The following MAP1LC3A variants were observed in gnomAD, a reference collection of about 807,000 sequenced individuals.
MAP1LC3A encodes microtubule associated protein 1 light chain 3 alpha.
In MAP1LC3A, 10 loss-of-function variants were observed where a neutral mutation model predicts 15.2. The ratio of observed to expected loss-of-function variants is 0.66; its 90% CI spans 0.41 to 1.12. MAP1LC3A has a LOEUF of 1.12. Ranked by LOEUF, MAP1LC3A falls within the 50% of genes most tolerant of loss-of-function variation. The pLI is 0.00. For missense variants in MAP1LC3A, 138 were observed against 167.3 expected, an observed-to-expected ratio of 0.82 and a Z score of 0.97; for synonymous variants, 63 against 64.3, an observed-to-expected ratio of 0.98 and a Z score of 0.10.
upstream of MAP1LC3A, among the ~76,000 whole-genome samples, chr20:34,554,046 T>A (rs772265074): frequency 1.3e-5 from 2 of 152,182 alleles, no homozygotes; most frequent in African/African-American, 2.4e-5. Context: ...TGCTCTCCAG[T>A]GTAGCTGAGG....
At chr20:34,559,176 A>T (rs1176907484) in intron 1 of MAP1LC3A, 32 bp from the exon 2 acceptor site, 4 of 1,542,798 alleles carry the variant, frequency 2.6e-6, no homozygotes, top group Admixed American at 1.9e-5. Flanking sequence ...GGCCGGCCCG[A>T]CCCGGCCTCA....
Position 34,558,917 on chromosome 20 carries a change from C to T in MAP1LC3A, c.40+9C>T, listed in dbSNP as rs752686604. On this transcript the variant is annotated intron_variant, in intron 1 of 3. Transcript: ENST00000360668. This position sits in a 1 kb window ranked among gnomAD's most constrained non-coding sequence, Gnocchi z 4.3. ...GCAGCGGCGGAGCTTCGGTGAGGCC[C>T]GGCAGGCGAGCTGCGAGCTCTGGGG... 4 of 1,394,390 alleles carry T rather than the reference C, an allele frequency of 2.9e-6. No individual in the cohort carries two copies. In the Admixed American group the frequency reaches 1.4e-4, roughly 47 times the overall value. The allele number at this position is 1,394,390 out of a possible 1,614,324, so 86.4% of individuals were successfully genotyped here.
chr20:34,558,127 T>C (rs976249558), upstream of MAP1LC3A: 6 of 984,738 alleles, frequency 6.1e-6, no homozygotes, highest in Non-Finnish European at 7.2e-6. This position sits in a 1 kb window ranked among gnomAD's most constrained non-coding sequence, Gnocchi z 4.3. Flanking sequence ...CACCTGTCTC[T>C]CTGGTGAGCT....
chr20:34,558,766 C>A lies in MAP1LC3A; in HGVS notation c.-103C>A. The A allele has an allele frequency of 3.7e-6, 5 of 1,341,320 alleles. No individual in the cohort carries two copies. The highest frequency in any genetic ancestry group is 8.3e-5 in the Admixed American group (2 of 24,148). The allele number at this position is 1,341,320 out of a possible 1,614,324, so 83.1% of individuals were successfully genotyped here. On this transcript the variant is annotated 5_prime_UTR_variant, in exon 1 of 4. Transcript: ENST00000360668. This position sits in a 1 kb window ranked among gnomAD's most constrained non-coding sequence, Gnocchi z 4.3. ...CAGCCGCCGTGCTCAGCGCGAGCCC[C>A]GGAGCCCTTGAGCGCGAGGCGCGGA... is the stretch of plus-strand genomic sequence containing the variant.
chr20:34,555,849 T>TC (rs1456264546), upstream of MAP1LC3A, among the ~76,000 whole-genome samples: 1 of 147,960 alleles, frequency 6.8e-6, no homozygotes, highest in Admixed American at 6.7e-5. Flanking sequence ...TTTCTTTCTT[T>TC]TTTTTTTTTT....
In MAP1LC3A at chr20:34,559,248, C is replaced by T; in HGVS notation, c.81C>T (p.His27=). The change falls in exon 2 of 4, where the codon CAC becomes CAT. Residue 27 remains histidine, a synonymous_variant. Transcript: ENST00000360668. ...CKEVQQIRDQ[H]PSKIPVIIER... is the part of the protein sequence containing the mutation. The stretch of plus-strand genomic sequence containing the variant: ...AGGTACAGCAGATCCGCGACCAGCA[C>T]CCCAGCAAAATCCCGGTGAGTCCCG... The T allele has an allele frequency of 6.2e-7, 1 of 1,605,818 alleles. No homozygotes were observed. Among genetic ancestry groups the T allele is most frequent in the Non-Finnish European group, 8.5e-7 (1 of 1,177,102 alleles).
Position 34,559,844 on chromosome 20 carries a change from C to T in MAP1LC3A, c.312C>T (p.Asp104=), listed in dbSNP as rs373545747. Residue 104 remains aspartate (D), a synonymous_variant, in exon 4 of 4, where the codon GAC becomes GAT. Transcript: ENST00000360668. The part of the protein sequence containing the change: ...PIADIYEQEK[D]EDGFLYMVYA... Reference sequence around the variant, plus strand: ...CGGACATCTACGAGCAGGAGAAAGACGAGGACGGCTTCCTCTATATGGTCT... The same window carrying T: ...CGGACATCTACGAGCAGGAGAAAGATGAGGACGGCTTCCTCTATATGGTCT... 1.1e-5 allele frequency: 18 copies of T among 1,613,874 alleles called. No individual in the cohort carries two copies. The African/African-American group carries it at 1.9e-4, about 17-fold the overall frequency.
chr20:34,550,064 C>T (rs1266216531), intron 2 of MAP1LC3A: 1 of 1,604,192 alleles, frequency 6.2e-7, no homozygotes, highest in Non-Finnish European at 8.5e-7. Context: ...TGTGAAGGAG[C>T]TCAGGGCCTA....
exon 2 of MAP1LC3A, chr20:34,549,923 T>C (rs1981883267): frequency 5.2e-6 from 8 of 1,538,320 alleles, no homozygotes; most frequent in Non-Finnish European, 7.2e-6. Context: ...GGCTTCCGAG[T>C]TGCTGACTGA....
At chr20:34,556,742 G>A (rs1311080107), upstream of MAP1LC3A, among the ~76,000 whole-genome samples, 8 of 152,060 alleles carry the variant, frequency 5.3e-5, no homozygotes, top group South Asian at 6.2e-4. Flanking sequence ...GATGACAGGC[G>A]TGCACCACCA....
At position 34,560,267 on chromosome 20, in the gene MAP1LC3A, GCCCCT is replaced by G; in HGVS notation, c.*371_*375del. Reference sequence around the variant, plus strand: ...CTGAAAGACTGGCCCCTGGCTCCCCGCCCCTCGGTCTCCACGTGGTGTATGGATCT... The same window carrying G: ...CTGAAAGACTGGCCCCTGGCTCCCCGCGGTCTCCACGTGGTGTATGGATCT... On this transcript the variant is annotated 3_prime_UTR_variant, in exon 4 of 4. Coordinates refer to ENST00000360668, the MANE Select transcript of MAP1LC3A (RefSeq NM_032514.4). 4.4e-6 allele frequency: 1 copy of G among 226,806 alleles called. No individual in the cohort carries two copies. Among genetic ancestry groups the G allele is most frequent in the South Asian group, 7.1e-5 (1 of 14,174 alleles). The allele number at this position is 226,806 out of a possible 1,614,324, so 14.0% of individuals were successfully genotyped here.
Position 34,559,359 on chromosome 20 carries a change from C to T in MAP1LC3A, c.109C>T (p.Arg37Cys). 1.3e-5 allele frequency: 21 copies of T among 1,610,640 alleles called. No homozygotes were observed. Among genetic ancestry groups the T allele is most frequent in the Non-Finnish European group, 1.8e-5 (21 of 1,178,444 alleles). The stretch of plus-strand genomic sequence containing the variant: ...GCCCTGCTCCCAGGTGATCATCGAG[C>T]GCTACAAGGGTGAGAAGCAGCTGCC... ...HPSKIPVIIE[R>C]YKGEKQLPVL... Residue 37 changes from arginine (R) to cysteine (C), a missense_variant, in exon 3 of 4, where the codon CGC (arginine) becomes TGC (cysteine). Arg to Cys is a radical substitution (Grantham distance 180). Coordinates refer to ENST00000360668, the MANE Select transcript of MAP1LC3A (RefSeq NM_032514.4).
rs922973760 is a variant in MAP1LC3A at position 34,559,278 on chromosome 20, C to T, written c.96+15C>T. The T allele has an allele frequency of 6.9e-6, 11 of 1,595,396 alleles. No individual in the cohort carries two copies. Among genetic ancestry groups the T allele is most frequent in the Non-Finnish European group, 9.4e-6 (11 of 1,172,244 alleles). Reference sequence around the variant, plus strand: ...GCAAAATCCCGGTGAGTCCCGCACCCCCAGCCCTGCCCCGCCCCCGCCTCG... The same window carrying T: ...GCAAAATCCCGGTGAGTCCCGCACCTCCAGCCCTGCCCCGCCCCCGCCTCG... On this transcript the variant is annotated intron_variant, in intron 2 of 3. Coordinates refer to ENST00000360668, the MANE Select transcript of MAP1LC3A (RefSeq NM_032514.4).
chr20:34,549,990 T>A, exon 2 of MAP1LC3A: 1 of 1,614,148 alleles, frequency 6.2e-7, no homozygotes. Context: ...GAAGATGAGA[T>A]TCTTCAGTTC....
At chr20:34,554,354 G>GTTTTTTTTTTTTTTTTTTTT (rs537779341), upstream of MAP1LC3A, among the ~76,000 whole-genome samples, 1 of 106,166 alleles carries the variant, frequency 9.4e-6, no homozygotes, top group Non-Finnish European at 1.8e-5. Context: ...TATACGTTGG[G>GTTTTTTTTTTTTTTTTTTTT]TTTTTTTTTT....
rs753652508 is a variant in MAP1LC3A at position 34,559,819 on chromosome 20, C to T, written c.287C>T (p.Ala96Val). Residue 96 changes from alanine (A) to valine (V), a missense_variant, in exon 4 of 4, where the codon GCG becomes GTG. Coordinates refer to ENST00000360668, the MANE Select transcript of MAP1LC3A (RefSeq NM_032514.4). ...ATGGTGAGTGTGTCCACGCCCATCG[C>T]GGACATCTACGAGCAGGAGAAAGAC... ...HSMVSVSTPI[A>V]DIYEQEKDED... is the part of the protein sequence containing the mutation. The T allele has an allele frequency of 5.0e-6, 8 of 1,613,984 alleles. 1 individual carries two copies. In the South Asian group the frequency reaches 5.5e-5, roughly 11 times the overall value.
chr20:34,560,179 C>CCTGT lies in MAP1LC3A; in HGVS notation c.*285_*288dup. ...GGTTCATCTTTTTTTTAGGCCCCTGCCTGTCTGCCCATCTGCCCCTCACCC... is the reference window on the plus strand; with the variant it reads ...GGTTCATCTTTTTTTTAGGCCCCTGCCTGTCTGTCTGCCCATCTGCCCCTCACCC... On this transcript the variant is annotated 3_prime_UTR_variant, in exon 4 of 4. Transcript: ENST00000360668. The CCTGT allele has an allele frequency of 6.4e-6, 1 of 155,268 alleles. No homozygotes were observed. Among genetic ancestry groups the CCTGT allele is most frequent in the Non-Finnish European group, 1.1e-5 (1 of 87,670 alleles). The allele number at this position is 155,268 out of a possible 1,614,324, so 9.6% of individuals were successfully genotyped here. A position where few individuals can be genotyped will look rare whatever the true frequency, so the allele number is the denominator to read the frequency against.
chr20:34,557,002 C>A (rs1982186977), upstream of MAP1LC3A, among the ~76,000 whole-genome samples: 1 of 152,204 alleles, frequency 6.6e-6, no homozygotes, highest in Admixed American at 6.5e-5. Flanking sequence ...ATCCTCTTAT[C>A]CCCAGTGTCT....
intron 3 of MAP1LC3A, 89 bp downstream of exon 3, chr20:34,559,542 G>T: frequency 7.5e-7 from 1 of 1,339,214 alleles, no homozygotes. Context: ...GGTCAGGGGT[G>T]ATGGGACCGG....
Sources: gnomAD v4.1 joint callset for allele counts (sites outside exome capture counted in the v4.1 genomes callset) on GRCh38, gnomAD v4.1.1 for gene constraint, Gnocchi (gnomAD v3.1) non-coding constraint, MANE v1.5 for transcripts, NCBI Gene and HGNC (gene_info 2026-07-23, HGNC 2026-07-21) for gene names.